DENND5A: variants seen among roughly 807,000 people sequenced by gnomAD.
DENND5A encodes DENN domain-containing protein 5A.
In DENND5A, 64 loss-of-function variants were observed where a neutral mutation model predicts 140.3. The observed-to-expected ratio is 0.46, with a 90% CI of 0.37 to 0.56. The LOEUF (loss-of-function observed/expected upper bound fraction) is 0.56, where lower values mean the gene tolerates loss of function less well. Ranked by LOEUF, DENND5A falls within the 20% of genes least tolerant of loss-of-function variation. DENND5A has a pLI of 0.00. For missense variants in DENND5A, 1,292 were observed against 1,593.8 expected, an observed-to-expected ratio of 0.81 and a Z score of 3.22; for synonymous variants, 605 against 607.7, an observed-to-expected ratio of 1.00 and a Z score of 0.07.
At chr11:9,232,169 TC>T (rs1175663097) in intron 1 of DENND5A, among the ~76,000 whole-genome samples, 1 of 152,048 alleles carries the variant, frequency 6.6e-6, no homozygotes, top group Non-Finnish European at 1.5e-5. Flanking sequence ...ACACAGAACA[TC>T]TTCATGATCC....
At chr11:9,178,073 G>A in intron 8 of DENND5A, 59 bp downstream of exon 8, 1 of 1,166,580 alleles carries the variant, frequency 8.6e-7, no homozygotes, top group Non-Finnish European at 1.3e-6. Context: ...TTTAGGAAAA[G>A]GGACATGTTA....
At chr11:9,209,148 G>C (rs569829962) in intron 1 of DENND5A, among the ~76,000 whole-genome samples, 1 of 152,218 alleles carries the variant, frequency 6.6e-6, no homozygotes, top group South Asian at 2.1e-4. Context: ...TAAAAACCAC[G>C]AAATATCACA....
At chr11:9,238,427 T>C (rs999503789) in intron 1 of DENND5A, among the ~76,000 whole-genome samples, 15 of 125,908 alleles carry the variant, frequency 1.2e-4, no homozygotes, top group Non-Finnish European at 1.9e-4. Context: ...TTTAAATTAC[T>C]TTTTTTTTTT....
intron 8 of DENND5A, among the ~76,000 whole-genome samples, chr11:9,173,584 G>T (rs1848445585): frequency 6.6e-6 from 1 of 152,272 alleles, no homozygotes; most frequent in South Asian, 2.1e-4. Context: ...CAAACTCCTG[G>T]GCTCAGGCAA....
intron 1 of DENND5A, among the ~76,000 whole-genome samples, chr11:9,212,981 A>G (rs1349354578): frequency 6.7e-6 from 1 of 149,810 alleles, no homozygotes; most frequent in Non-Finnish European, 1.5e-5. Flanking sequence ...GACTATATCA[A>G]TGTCAAGTTC....
chr11:9,139,959 G>T, intron 22 of DENND5A, 105 bp from the exon 23 acceptor site: 1 of 1,230,398 alleles, frequency 8.1e-7, no homozygotes, highest in Admixed American at 2.2e-5. Flanking sequence ...GTCTGAAGCT[G>T]GAGAAGCTGA....
Position 9,178,200 on chromosome 11 carries a change from A to T in DENND5A, c.1838T>A (p.Leu613Gln). 1 of 1,614,210 alleles carries T rather than the reference A, an allele frequency of 6.2e-7. No homozygotes were observed. Among genetic ancestry groups the T allele is most frequent in the South Asian group, 1.1e-5 (1 of 91,088 alleles). Reference sequence around the variant, plus strand: ...GAGAGTAGGTGTCCGAACATTCAACAGCCTGATCTTGTCAACTCGGGAATC... The same window carrying T: ...GAGAGTAGGTGTCCGAACATTCAACTGCCTGATCTTGTCAACTCGGGAATC... ...VFDSRVDKIRLLNVRTPTLRT... is the reference protein window; with the variant it reads ...VFDSRVDKIRQLNVRTPTLRT... The change falls in exon 8 of 23, where the codon CTG becomes CAG. Residue 613 changes from leucine to glutamine, a missense_variant. Coordinates refer to ENST00000328194, the MANE Select transcript of DENND5A (RefSeq NM_015213.4).
chr11:9,193,013 C>T lies in DENND5A; in HGVS notation c.1137+481G>A, dbSNP rs189278061. 4.6e-5 allele frequency among the ~76,000 whole-genome samples: 7 copies of T among 152,112 alleles called. No homozygotes were observed. The East Asian group carries it at 1.4e-3, about 29-fold the overall frequency. On this transcript the variant is annotated intron_variant, in intron 5 of 22. Coordinates refer to ENST00000328194, the MANE Select transcript of DENND5A (RefSeq NM_015213.4). ...GCCAAGGCAGGAGGATTACTTGAGC[C>T]CAGGAGTTCGAGACCAGCCTGGGCA... is the stretch of plus-strand genomic sequence containing the variant.
At chr11:9,142,211 CTT>C (rs1847269750) in intron 21 of DENND5A, 103 bp from the exon 22 acceptor site, 2 of 893,718 alleles carry the variant, frequency 2.2e-6, no homozygotes, top group Non-Finnish European at 3.4e-6. Context: ...ACACAGGTAA[CTT>C]AATGAGAATA....
chr11:9,150,222 T>C lies in DENND5A; in HGVS notation c.2607-13A>G. The C allele has an allele frequency of 6.2e-7, 1 of 1,612,722 alleles. No homozygotes were observed. Among genetic ancestry groups the C allele is most frequent in the Non-Finnish European group, 8.5e-7 (1 of 1,179,230 alleles). ...GTTCTGGATGTGCCTGGAGGAAGAATGTAAAAAGGAAGTGGAGGGTGGGAT... is the reference window on the plus strand; with the variant it reads ...GTTCTGGATGTGCCTGGAGGAAGAACGTAAAAAGGAAGTGGAGGGTGGGAT... On this transcript the variant is annotated splice_polypyrimidine_tract_variant and intron_variant, in intron 14 of 22. Coordinates refer to ENST00000328194, the MANE Select transcript of DENND5A (RefSeq NM_015213.4).
chr11:9,199,660 G>A (rs1849459758), intron 4 of DENND5A, among the ~76,000 whole-genome samples: 1 of 152,058 alleles, frequency 6.6e-6, no homozygotes, highest in South Asian at 2.1e-4. Context: ...CATTCCAAAG[G>A]GTTACACTTT....
At chr11:9,228,645 G>A (rs892305221) in intron 1 of DENND5A, among the ~76,000 whole-genome samples, 3 of 151,686 alleles carry the variant, frequency 2.0e-5, no homozygotes, top group African/African-American at 4.8e-5. Context: ...CTTGAACCCG[G>A]GAGGCAGAGG....
chr11:9,143,050 T>C, intron 20 of DENND5A: 1 of 635,950 alleles, frequency 1.6e-6, no homozygotes, highest in Non-Finnish European at 2.7e-6. Context: ...AAAGAAGAGA[T>C]GATGGATCTG....
chr11:9,175,974 G>T (rs1215031651), intron 8 of DENND5A, among the ~76,000 whole-genome samples: 1 of 152,136 alleles, frequency 6.6e-6, no homozygotes, highest in Non-Finnish European at 1.5e-5. Flanking sequence ...CAAAATAAAA[G>T]ATTTTGTTCT....
chr11:9,142,906 T>C (rs1564878151), intron 20 of DENND5A, 61 bp from the exon 21 acceptor site: 4 of 1,598,458 alleles, frequency 2.5e-6, no homozygotes, highest in African/African-American at 2.7e-5. Context: ...CTCCCACCAT[T>C]GCATCCCTAA....
Position 9,152,866 on chromosome 11 carries a change from T to C in DENND5A, c.2437-424A>G, listed in dbSNP as rs149469619. ...TAAAAATACACAAATTAGCAGGATG[T>C]GGTGGTGCATGGCTATAATCCCAGC... On this transcript the variant is annotated intron_variant, in intron 12 of 22. Transcript: ENST00000328194. Among the ~76,000 whole-genome samples the C allele has an allele frequency of 4.2e-3, 635 of 151,294 alleles. 14 individuals carry two copies. The East Asian group carries it at 0.064, about 15-fold the overall frequency.
In DENND5A at chr11:9,260,027, CAAAAAAAAAAA is replaced by C. The variant is rs56390201; in HGVS notation, c.109+4923_109+4933del. The stretch of plus-strand genomic sequence containing the variant: ...TGGGCAAAAGAGCAGGACTCCATCT[CAAAAAAAAAAA>C]AAAAAAAAAAAAGAGAGAGACTATT... On this transcript the variant is annotated intron_variant, in intron 1 of 22. Coordinates refer to ENST00000328194, the MANE Select transcript of DENND5A (RefSeq NM_015213.4). 2.4e-3 allele frequency among the ~76,000 whole-genome samples: 155 copies of C among 63,918 alleles called. 1 individual carries two copies. The highest frequency in any genetic ancestry group is 8.3e-3 in the African/African-American group (147 of 17,658). The allele number at this position is 63,918 out of a possible 152,430, so 41.9% of individuals were successfully genotyped here.
chr11:9,256,743 G>A (rs1328487670), intron 1 of DENND5A, among the ~76,000 whole-genome samples: 2 of 152,172 alleles, frequency 1.3e-5, no homozygotes, highest in Non-Finnish European at 2.9e-5. Flanking sequence ...TTAGAGGGTT[G>A]GGAGAAAATG....
chr11:9,169,529 A>AC (rs1554916423), intron 10 of DENND5A, among the ~76,000 whole-genome samples: 6 of 150,716 alleles, frequency 4.0e-5, no homozygotes, highest in Admixed American at 1.3e-4. Flanking sequence ...ACACACACAC[A>AC]AAACTCACAC....
Sources: allele counts gnomAD v4.1 joint callset (sites outside exome capture counted in the v4.1 genomes callset), GRCh38; gene constraint gnomAD v4.1.1; transcripts MANE v1.5; gene names NCBI Gene and HGNC (gene_info 2026-07-23, HGNC 2026-07-21).